Variants in CSMD1 observed in about 807,000 individuals in gnomAD.
CSMD1 encodes CUB and Sushi multiple domains 1, also known as CUB and sushi domain-containing protein 1.
In CSMD1, 213 loss-of-function variants were observed where a neutral mutation model predicts 417.5. The observed-to-expected ratio is 0.51, with a 90% confidence interval of 0.46 to 0.57. The LOEUF (loss-of-function observed/expected upper bound fraction) is 0.57. CSMD1 is among the 20% of genes least tolerant of loss of function. The pLI, the probability that CSMD1 is intolerant of heterozygous loss-of-function variation, is 0.00. For synonymous variants in CSMD1, 2,862 were observed against 1,736.8 expected, an observed-to-expected ratio of 1.65 and a Z score of -16.11; for missense variants, 6,923 against 4,529.7, an observed-to-expected ratio of 1.53 and a Z score of -15.17.
chr8:3,113,294 A>G (rs2129016942), intron 42 of CSMD1: 1 of 152,284 alleles, frequency 6.6e-6, no homozygotes, highest in African/African-American at 2.4e-5. Flanking sequence ...AGGGATAGAG[A>G]GGCTACACTC....
chr8:3,691,016 C>T (rs1051772550), intron 7 of CSMD1, among the ~76,000 whole-genome samples: 2 of 152,094 alleles, frequency 1.3e-5, no homozygotes, highest in African/African-American at 2.4e-5. Context: ...TTCATCTTTA[C>T]CCTGGTACTA....
At chr8:4,446,927 G>A (rs779191237) in intron 2 of CSMD1, among the ~76,000 whole-genome samples, 6 of 144,226 alleles carry the variant, frequency 4.2e-5, no homozygotes, top group Non-Finnish European at 7.5e-5. Context: ...GGCAGAGACC[G>A]TGTTTATTTA....
At chr8:3,962,500 C>T (rs949166533) in intron 5 of CSMD1, among the ~76,000 whole-genome samples, 3 of 152,152 alleles carry the variant, frequency 2.0e-5, no homozygotes, top group African/African-American at 7.2e-5. Context: ...AGCCAGCATG[C>T]AGGAACCCCT....
chr8:3,844,438 T>C (rs1803351759), intron 5 of CSMD1, among the ~76,000 whole-genome samples: 1 of 152,156 alleles, frequency 6.6e-6, no homozygotes, highest in Non-Finnish European at 1.5e-5. Context: ...TACACTATGA[T>C]CCATAGGAGG....
At chr8:4,450,920 A>T (rs1455649583) in intron 2 of CSMD1, among the ~76,000 whole-genome samples, 1 of 152,184 alleles carries the variant, frequency 6.6e-6, no homozygotes, top group Non-Finnish European at 1.5e-5. Context: ...AATCATGGAG[A>T]GGAAAGGGCC....
At chr8:2,952,779 C>G (rs1417851001) in intron 65 of CSMD1, among the ~76,000 whole-genome samples, 1 of 152,150 alleles carries the variant, frequency 6.6e-6, no homozygotes, top group Non-Finnish European at 1.5e-5. Flanking sequence ...TGAAGTTTCA[C>G]AGGAATGGGC....
chr8:4,452,619 G>A (rs1050352357), intron 2 of CSMD1, among the ~76,000 whole-genome samples: 2 of 152,232 alleles, frequency 1.3e-5, no homozygotes, highest in Non-Finnish European at 2.9e-5. Context: ...TAGTTTTTAT[G>A]TGAAGTGCAC....
intron 11 of CSMD1, among the ~76,000 whole-genome samples, chr8:3,480,349 G>C (rs557786392): frequency 1.1e-4 from 16 of 152,216 alleles, no homozygotes; most frequent in Non-Finnish European, 2.1e-4. Flanking sequence ...TGGAGCAATG[G>C]AGAAAGACTC....
At chr8:3,108,423 A>C (rs1376221331) in intron 44 of CSMD1, among the ~76,000 whole-genome samples, 180 bp downstream of exon 44, 1 of 152,208 alleles carries the variant, frequency 6.6e-6, no homozygotes, top group Non-Finnish European at 1.5e-5. Flanking sequence ...GATGTGAAAT[A>C]ATAAAGACAT....
At chr8:3,150,401 T>C (rs1016209680) in intron 40 of CSMD1, among the ~76,000 whole-genome samples, 1 of 152,184 alleles carries the variant, frequency 6.6e-6, no homozygotes, top group Non-Finnish European at 1.5e-5. Context: ...CAGCGCCTGA[T>C]TGACCTGTCG....
intron 6 of CSMD1, among the ~76,000 whole-genome samples, chr8:3,727,163 A>G (rs1377576258): frequency 6.6e-6 from 1 of 152,248 alleles, no homozygotes; most frequent in African/African-American, 2.4e-5. Context: ...TTTCATTTTA[A>G]AACCATACTT....
In CSMD1 at chr8:3,023,369, G is replaced by A. The variant is rs534148506; in HGVS notation, c.7856-4719C>T. Among the ~76,000 whole-genome samples, 5 of 152,244 alleles carry A rather than the reference G, an allele frequency of 3.3e-5. No individual in the cohort carries two copies. The South Asian group carries it at 8.3e-4, about 25-fold the overall frequency. On this transcript the variant is annotated intron_variant, in intron 51 of 69. Transcript: ENST00000635120. Reference sequence around the variant, plus strand: ...TGGTTCAGGGATTTCTGTGATAAATGTTTTTCTTTTTAAATATGAACAGTA... The same window carrying A: ...TGGTTCAGGGATTTCTGTGATAAATATTTTTCTTTTTAAATATGAACAGTA...
intron 7 of CSMD1, among the ~76,000 whole-genome samples, chr8:3,617,977 A>G (rs2117176434): frequency 6.6e-6 from 1 of 152,242 alleles, no homozygotes. Flanking sequence ...TTACCATAAA[A>G]ACAACAGTAA....
intron 4 of CSMD1, among the ~76,000 whole-genome samples, chr8:4,024,533 A>G (rs1049784717): frequency 6.6e-6 from 1 of 152,228 alleles, no homozygotes; most frequent in Non-Finnish European, 1.5e-5. Context: ...AATTTAAATC[A>G]GAGGTCAAGT....
intron 5 of CSMD1, among the ~76,000 whole-genome samples, chr8:3,838,447 C>G (rs1010150426): frequency 2.7e-5 from 4 of 147,908 alleles, no homozygotes; most frequent in Non-Finnish European, 4.4e-5. Flanking sequence ...AGAGTATAGA[C>G]TATACATATA....
chr8:4,060,598 G>A (rs947074998), intron 3 of CSMD1, among the ~76,000 whole-genome samples: 6 of 152,136 alleles, frequency 3.9e-5, no homozygotes, highest in Non-Finnish European at 8.8e-5. Context: ...CTGGGTTTCG[G>A]AACTGTCCCA....
At chr8:4,188,506 G>C (rs548091652) in intron 3 of CSMD1, among the ~76,000 whole-genome samples, 6 of 152,204 alleles carry the variant, frequency 3.9e-5, no homozygotes, top group Admixed American at 3.3e-4. Flanking sequence ...GGTCACAAAA[G>C]ATGACTTGCA....
chr8:3,419,026 C>G (rs1585136526), intron 12 of CSMD1, among the ~76,000 whole-genome samples: 2 of 152,178 alleles, frequency 1.3e-5, no homozygotes, highest in Non-Finnish European at 2.9e-5. Context: ...TTACATTATA[C>G]TCGAGGCATA....
intron 2 of CSMD1, among the ~76,000 whole-genome samples, chr8:4,607,742 G>C (rs1293603553): frequency 6.6e-6 from 1 of 152,262 alleles, no homozygotes; most frequent in East Asian, 1.9e-4. Context: ...AAACGTAGCA[G>C]CCTCAAACCG....
Sources: gnomAD v4.1 joint callset for allele counts (sites outside exome capture counted in the v4.1 genomes callset) on GRCh38, gnomAD v4.1.1 for gene constraint, MANE v1.5 for transcripts, NCBI Gene and HGNC (gene_info 2026-07-23, HGNC 2026-07-21) for gene names.